NFIB: variants seen among roughly 807,000 people sequenced by gnomAD.
NFIB encodes the protein nuclear factor I B, also known as nuclear factor 1 B-type.
NFIB carries 11 observed loss-of-function variants against 61.5 expected under a neutral mutation model. The ratio of observed to expected loss-of-function variants is 0.18; its 90% CI spans 0.11 to 0.30. The LOEUF (loss-of-function observed/expected upper bound fraction) is 0.30, where lower values mean the gene tolerates loss of function less well. Among genes scored for constraint, NFIB ranks in the 10% least tolerant of loss-of-function variants. The pLI, the probability that NFIB is intolerant of heterozygous loss-of-function variation, is 1.00. For missense variants in NFIB, 471 were observed against 608.9 expected (o/e 0.77, Z 2.38); for synonymous variants, 260 against 216.5 (o/e 1.20, Z -1.76).
intron 2 of NFIB, among the ~76,000 whole-genome samples, chr9:14,218,625 T>G (rs2051237334): frequency 6.6e-6 from 1 of 152,316 alleles, no homozygotes; most frequent in South Asian, 2.1e-4. Context: ...TGTATTTTGG[T>G]ATCTGGATTA....
chr9:14,398,660 T>C (rs1186166569), exon 1 of NFIB: 5 of 1,459,542 alleles, frequency 3.4e-6, no homozygotes, highest in East Asian at 5.0e-5. Flanking sequence ...ACAAGAAGCC[T>C]GTAGGCTCTG....
At chr9:14,192,934 G>A (rs2048109402) in intron 2 of NFIB, among the ~76,000 whole-genome samples, 1 of 151,784 alleles carries the variant, frequency 6.6e-6, no homozygotes, top group South Asian at 2.1e-4. Flanking sequence ...TAAAATACGT[G>A]TCAGGTAATA....
chr9:14,255,358 A>G (rs1194097792), intron 2 of NFIB, among the ~76,000 whole-genome samples: 2 of 152,234 alleles, frequency 1.3e-5, no homozygotes, highest in Non-Finnish European at 2.9e-5. Flanking sequence ...GATTACTGAC[A>G]TTTCCTTAAT....
At chr9:14,305,071 T>C (rs2059948747) in intron 2 of NFIB, among the ~76,000 whole-genome samples, 1 of 152,244 alleles carries the variant, frequency 6.6e-6, no homozygotes, top group African/African-American at 2.4e-5. Context: ...CCATGGTCTC[T>C]TAAGAGTTGC....
the NFIB span, among the ~76,000 whole-genome samples, chr9:14,440,900 T>G: frequency 4.6e-5 from 7 of 152,030 alleles, no homozygotes; most frequent in East Asian, 1.3e-3. Flanking sequence ...AAGAGAAAAA[T>G]GTGAAATATG....
chr9:14,191,041 T>A (rs1243104978), intron 2 of NFIB, among the ~76,000 whole-genome samples: 1 of 151,734 alleles, frequency 6.6e-6, no homozygotes, highest in Non-Finnish European at 1.5e-5. Context: ...AAAAATACAA[T>A]AATTAGCTGG....
chr9:14,380,580 A>G (rs994377517), intron 1 of NFIB, among the ~76,000 whole-genome samples: 2 of 152,206 alleles, frequency 1.3e-5, no homozygotes, highest in Non-Finnish European at 2.9e-5. Context: ...CAAGCTCTTC[A>G]TTTATGATAA....
chr9:14,175,660 C>T (rs540525634), intron 3 of NFIB, among the ~76,000 whole-genome samples: 1 of 152,132 alleles, frequency 6.6e-6, no homozygotes, highest in Non-Finnish European at 1.5e-5. Flanking sequence ...ACACTACATG[C>T]ATAAGTCAAC....
At chr9:14,203,999 G>C (rs759903100) in intron 2 of NFIB, among the ~76,000 whole-genome samples, 2 of 152,058 alleles carry the variant, frequency 1.3e-5, no homozygotes, top group Non-Finnish European at 2.9e-5. Context: ...AGAAGCATAA[G>C]CAAAGCCAAC....
chr9:14,363,238 T>G (rs1476687089), intron 1 of NFIB, among the ~76,000 whole-genome samples: 1 of 152,186 alleles, frequency 6.6e-6, no homozygotes, highest in Non-Finnish European at 1.5e-5. Context: ...AAGTCACCAC[T>G]GGGACTGAGA....
chr9:14,448,083 A>G, the NFIB span, among the ~76,000 whole-genome samples: 4 of 152,180 alleles, frequency 2.6e-5, no homozygotes, highest in Admixed American at 2.6e-4. Flanking sequence ...CATATATGTA[A>G]CCATAGATGG....
chr9:14,503,490 T>A, the NFIB span, among the ~76,000 whole-genome samples: 7 of 152,178 alleles, frequency 4.6e-5, no homozygotes, highest in African/African-American at 1.4e-4. Flanking sequence ...ATGGGCATTC[T>A]GAAGTCTATG....
At chr9:14,375,070 A>T (rs754002976) in intron 1 of NFIB, among the ~76,000 whole-genome samples, 4 of 152,218 alleles carry the variant, frequency 2.6e-5, no homozygotes, top group Admixed American at 1.3e-4. Flanking sequence ...TTTGTTCAGT[A>T]AGGATTTGTA....
At chr9:14,399,245 T>C (rs2061718776), upstream of NFIB, among the ~76,000 whole-genome samples, 1 of 152,218 alleles carries the variant, frequency 6.6e-6, no homozygotes, top group Admixed American at 6.5e-5. Context: ...GTGACTCTTG[T>C]TTAAGGCTCA....
At chr9:14,254,580 C>T (rs529913944) in intron 2 of NFIB, among the ~76,000 whole-genome samples, 3 of 152,236 alleles carry the variant, frequency 2.0e-5, no homozygotes, top group South Asian at 4.2e-4. Context: ...ATTTATTTTA[C>T]AGTACTCCCG....
In NFIB at chr9:14,253,094, T is replaced by C. The variant is rs561477920; in HGVS notation, c.562+53895A>G. The stretch of plus-strand genomic sequence containing the variant: ...CATCCATGAAGAAAGTTTAAGCAGA[T>C]CTGCAACAACTTCAAAGCCAATGTT... On this transcript the variant is annotated intron_variant, in intron 2 of 10. Coordinates refer to ENST00000380953, the MANE Select transcript of NFIB (RefSeq NM_001190737.2). 5.1e-4 allele frequency among the ~76,000 whole-genome samples: 77 copies of C among 152,348 alleles called. 3 individuals carry two copies. In the South Asian group the frequency reaches 0.016, roughly 31 times the overall value.
At chr9:14,396,439 A>C (rs1427153319) in intron 1 of NFIB, among the ~76,000 whole-genome samples, 2 of 152,130 alleles carry the variant, frequency 1.3e-5, no homozygotes, top group Non-Finnish European at 2.9e-5. Context: ...CTCTCCATTG[A>C]GTCAGCCGTC....
At chr9:14,157,149 C>T (rs1251881746) in intron 3 of NFIB, among the ~76,000 whole-genome samples, 1 of 152,090 alleles carries the variant, frequency 6.6e-6, no homozygotes, top group Non-Finnish European at 1.5e-5. Context: ...AATATAAACC[C>T]CATGATAAGC....
At chr9:14,105,914 G>C (rs990518467) in intron 10 of NFIB, among the ~76,000 whole-genome samples, 2 of 151,884 alleles carry the variant, frequency 1.3e-5, no homozygotes, top group Non-Finnish European at 2.9e-5. Context: ...TTGAGTTTGG[G>C]GTGGTGATTC....
Sources: allele counts gnomAD v4.1 joint callset (sites outside exome capture counted in the v4.1 genomes callset), GRCh38; gene constraint gnomAD v4.1.1; transcripts MANE v1.5; gene names NCBI Gene and HGNC (gene_info 2026-07-23, HGNC 2026-07-21).